The following MPDZ variants were observed in gnomAD, a reference collection of about 807,000 sequenced individuals.
MPDZ encodes the protein multiple PDZ domain crumbs cell polarity complex component.
Under a neutral mutation model 239.1 loss-of-function variants are expected in MPDZ, and 234 were observed. The observed-to-expected ratio is 0.98, with a 90% CI of 0.88 to 1.09. The LOEUF (loss-of-function observed/expected upper bound fraction) is 1.09, where lower values mean the gene tolerates loss of function less well. Ranked by LOEUF, MPDZ falls within the 50% of genes least tolerant of loss-of-function variation. The probability of loss-of-function intolerance (pLI) is 0.00; values close to 1 mark genes in which losing one functional copy is unlikely to be tolerated. For synonymous variants in MPDZ, 1,048 were observed against 881.3 expected, an observed-to-expected ratio of 1.19 and a Z score of -3.35; for missense variants, 3,175 against 2,510.0, an observed-to-expected ratio of 1.26 and a Z score of -5.66.
At chr9:13,191,520 A>C (rs1263213938) in intron 15 of MPDZ, among the ~76,000 whole-genome samples, 1 of 152,288 alleles carries the variant, frequency 6.6e-6, no homozygotes, top group Admixed American at 6.5e-5. Context: ...TGAGTTCCTG[A>C]ATGTCACAGA....
chr9:13,209,221 G>A (rs1957339054), intron 10 of MPDZ, among the ~76,000 whole-genome samples: 1 of 152,132 alleles, frequency 6.6e-6, no homozygotes, highest in Non-Finnish European at 1.5e-5. Context: ...ACTAAGCTGG[G>A]TTGCATGTAA....
intron 16 of MPDZ, among the ~76,000 whole-genome samples, chr9:13,189,280 T>C (rs1954572864): frequency 6.6e-6 from 1 of 152,164 alleles, no homozygotes; most frequent in East Asian, 1.9e-4. Context: ...TTAACTTTGA[T>C]AAGTTATCAA....
intron 21 of MPDZ, among the ~76,000 whole-genome samples, chr9:13,171,692 C>G (rs1346650642): frequency 2.0e-5 from 3 of 152,136 alleles, no homozygotes; most frequent in Admixed American, 2.0e-4. Flanking sequence ...TATATTTTCA[C>G]TCTAAATTTA....
At chr9:13,220,109 A>G (rs1261675524) in intron 7 of MPDZ, among the ~76,000 whole-genome samples, 2 of 152,012 alleles carry the variant, frequency 1.3e-5, no homozygotes, top group Non-Finnish European at 2.9e-5. Flanking sequence ...AATGCCCTTA[A>G]GCAAAGTTGT....
chr9:13,134,104 T>C, intron 31 of MPDZ, 200 bp from the exon 32 acceptor site: 1 of 228,474 alleles, frequency 4.4e-6, no homozygotes, highest in Non-Finnish European at 8.2e-6. Context: ...TTCTATGGAA[T>C]TTATGAACAT....
intron 19 of MPDZ, among the ~76,000 whole-genome samples, chr9:13,180,298 A>C (rs1482777739): frequency 6.6e-6 from 1 of 152,200 alleles, no homozygotes; most frequent in African/African-American, 2.4e-5. Context: ...TTGACGTACA[A>C]GGTGCAAAAG....
At chr9:13,160,992 G>T (rs1425359513) in intron 23 of MPDZ, among the ~76,000 whole-genome samples, 1 of 150,936 alleles carries the variant, frequency 6.6e-6, no homozygotes, top group Non-Finnish European at 1.5e-5. Flanking sequence ...TTATATAAGG[G>T]ATTGAGCATC....
intron 29 of MPDZ, 97 bp downstream of exon 29, chr9:13,137,860 C>T (rs1451177238): frequency 3.2e-6 from 4 of 1,250,270 alleles, no homozygotes; most frequent in Admixed American, 2.5e-5. Flanking sequence ...CAATGGCTTT[C>T]TCAGTCACTA....
chr9:13,237,536 T>G (rs999325429), intron 3 of MPDZ, among the ~76,000 whole-genome samples: 4 of 151,838 alleles, frequency 2.6e-5, no homozygotes, highest in African/African-American at 9.7e-5. Flanking sequence ...AACACTAATT[T>G]GAGTTGCAAG....
At position 13,183,573 on chromosome 9, in the gene MPDZ, C is replaced by G. The variant is rs754017078; in HGVS notation, c.2494G>C (p.Asp832His). ...RADLALVGTNDADLVDESTFE... is the reference protein window; with the variant it reads ...RADLALVGTNHADLVDESTFE... ...GTGGATTCATCTACTAAGTCAGCAT[C>G]ATTTGTGCCCACCTAGAAACAAAAC... The change falls in exon 19 of 47, where the codon GAT (aspartate) becomes CAT (histidine). Residue 832 changes from aspartate to histidine, a missense_variant. Asp to His is a moderately conservative substitution (Grantham distance 81). Coordinates refer to ENST00000319217, the MANE Select transcript of MPDZ (RefSeq NM_001378778.1). 1 of 1,612,092 alleles carries G rather than the reference C, an allele frequency of 6.2e-7. No individual in the cohort carries two copies. Among genetic ancestry groups the G allele is most frequent in the Admixed American group, 1.7e-5 (1 of 59,808 alleles).
chr9:13,190,324 T>C (rs1954734264), intron 15 of MPDZ, 25 bp from the exon 16 acceptor site: 1 of 1,485,396 alleles, frequency 6.7e-7, no homozygotes, highest in East Asian at 2.3e-5. Flanking sequence ...ACAGCTCTTA[T>C]TTCAGAGGCA....
At chr9:13,137,880 G>T in intron 29 of MPDZ, 77 bp downstream of exon 29, 1 of 1,416,420 alleles carries the variant, frequency 7.1e-7, no homozygotes, top group Non-Finnish European at 9.8e-7. Context: ...ATAAGGTATG[G>T]GTGATTTTCT....
chr9:13,106,852 C>T lies in MPDZ; in HGVS notation c.*113G>A. 8.5e-7 allele frequency: 1 copy of T among 1,182,468 alleles called. No homozygotes were observed. Among genetic ancestry groups the T allele is most frequent in the Non-Finnish European group, 1.2e-6 (1 of 843,506 alleles). 73.2% of individuals were successfully genotyped at this position (1,182,468 alleles called of 1,614,324 possible). On this transcript the variant is annotated 3_prime_UTR_variant, in exon 47 of 47. Coordinates refer to ENST00000319217, the MANE Select transcript of MPDZ (RefSeq NM_001378778.1). ...AAGAAACTTAAGTGTTATTTCCCCC[C>T]TACAGTTTTGAAGACCCGGCTGAAC...
At chr9:13,252,158 A>T (rs1365671530) in intron 1 of MPDZ, among the ~76,000 whole-genome samples, 1 of 152,214 alleles carries the variant, frequency 6.6e-6, no homozygotes, top group Admixed American at 6.5e-5. Flanking sequence ...GGGAAATATT[A>T]ACAAATAAAT....
chr9:13,258,717 TC>T (rs1473282578), intron 1 of MPDZ, among the ~76,000 whole-genome samples: 2 of 152,196 alleles, frequency 1.3e-5, no homozygotes, highest in African/African-American at 2.4e-5. Flanking sequence ...TCTGAACTTC[TC>T]CCTCATTTTT....
intron 24 of MPDZ, among the ~76,000 whole-genome samples, chr9:13,152,252 C>T (rs925181721): frequency 6.6e-6 from 1 of 152,062 alleles, no homozygotes; most frequent in African/African-American, 2.4e-5. Flanking sequence ...CAAAATCCTA[C>T]AGGATATGAT....
chr9:13,246,949 A>T (rs1966711603), intron 3 of MPDZ, among the ~76,000 whole-genome samples: 1 of 152,244 alleles, frequency 6.6e-6, no homozygotes, highest in Non-Finnish European at 1.5e-5. Context: ...AGTAAGTTCA[A>T]AGAACATCTG....
intron 35 of MPDZ, among the ~76,000 whole-genome samples, chr9:13,124,165 G>T (rs1944781366): frequency 6.6e-6 from 1 of 152,154 alleles, no homozygotes; most frequent in South Asian, 2.1e-4. Context: ...TAAATGGTAA[G>T]AACAGGTGTA....
chr9:13,218,041 G>C (rs996159283), intron 8 of MPDZ, among the ~76,000 whole-genome samples: 3 of 151,798 alleles, frequency 2.0e-5, no homozygotes, highest in Admixed American at 1.3e-4. Flanking sequence ...AGATCCTACA[G>C]AGAACCTTAA....
Sources: gnomAD v4.1 joint callset for allele counts (sites outside exome capture counted in the v4.1 genomes callset) on GRCh38, gnomAD v4.1.1 for gene constraint, MANE v1.5 for transcripts, NCBI Gene and HGNC (gene_info 2026-07-23, HGNC 2026-07-21) for gene names.